Variants in COMMD1 observed in about 807,000 individuals in gnomAD.
COMMD1 encodes the protein COMM domain-containing protein 1.
Under a neutral mutation model 17.2 loss-of-function variants are expected in COMMD1, and 10 were observed. That is an observed-to-expected ratio of 0.58 (90% CI 0.36 to 0.99). COMMD1 has a LOEUF of 0.99. Ranked by LOEUF, COMMD1 falls within the 50% of genes least tolerant of loss-of-function variation. COMMD1 has a pLI of 0.01. For missense variants in COMMD1, 270 were observed against 231.8 expected (o/e 1.17, Z -1.07); for synonymous variants, 97 against 91.6 (o/e 1.06, Z -0.34).
intron 1 of COMMD1, among the ~76,000 whole-genome samples, chr2:61,960,826 A>G (rs770273853): frequency 1.5e-4 from 23 of 152,118 alleles, no homozygotes; most frequent in Non-Finnish European, 2.8e-4. Context: ...CCAGAAGTAG[A>G]CCACCAAGGA....
At chr2:61,911,218 A>T (rs1027537269) in intron 1 of COMMD1, among the ~76,000 whole-genome samples, 12 of 150,852 alleles carry the variant, frequency 8.0e-5, no homozygotes, top group Non-Finnish European at 1.6e-4. Flanking sequence ...TCACGCCTGT[A>T]ATCCCAGCAC....
intron 1 of COMMD1, among the ~76,000 whole-genome samples, chr2:61,956,013 A>G (rs1470660755): frequency 6.6e-6 from 1 of 152,116 alleles, no homozygotes; most frequent in East Asian, 1.9e-4. Context: ...AAAGAATATT[A>G]CTGTTTTTAC....
chr2:62,042,302 G>T (rs1478588300), intron 2 of COMMD1, among the ~76,000 whole-genome samples: 1 of 152,096 alleles, frequency 6.6e-6, no homozygotes. Flanking sequence ...TGATTGGTGC[G>T]TTTGCAAACC....
intron 1 of COMMD1, among the ~76,000 whole-genome samples, chr2:61,894,705 AT>A (rs1005349931): frequency 3.3e-4 from 45 of 135,570 alleles, no homozygotes; most frequent in South Asian, 9.1e-4. Context: ...TAAAAAAAAA[AT>A]TTTTTTTTTT....
intron 1 of COMMD1, among the ~76,000 whole-genome samples, chr2:61,930,427 G>A (rs1444654156): frequency 1.3e-5 from 2 of 152,072 alleles, no homozygotes; most frequent in South Asian, 2.1e-4. Context: ...GTGGTGGCAC[G>A]TGCCTGTAAT....
rs1672939524 is a variant in COMMD1, at chr2:62,128,345, A to AC, written c.463-7486_463-7485insC. 2.6e-5 allele frequency among the ~76,000 whole-genome samples: 4 copies of AC among 151,748 alleles called. No homozygotes were observed. In the South Asian group the frequency reaches 8.3e-4, roughly 32 times the overall value. On this transcript the variant is annotated intron_variant, in intron 2 of 2. Coordinates refer to ENST00000311832, the MANE Select transcript of COMMD1 (RefSeq NM_152516.4). The stretch of plus-strand genomic sequence containing the variant: ...TCTGTCTAAAAAAAAGAAAAAAAAA[A>AC]AACAAAAAAACTCAAGATGAATTAA...
chr2:62,109,902 A>G (rs987290920), intron 2 of COMMD1, among the ~76,000 whole-genome samples: 1 of 148,528 alleles, frequency 6.7e-6, no homozygotes, highest in African/African-American at 2.5e-5. Context: ...AAAAGTATTA[A>G]TCTACCTTAT....
At chr2:61,919,267 C>T (rs1038966311) in intron 1 of COMMD1, among the ~76,000 whole-genome samples, 1 of 152,266 alleles carries the variant, frequency 6.6e-6, no homozygotes, top group East Asian at 1.9e-4. Context: ...CCGCCTCGGC[C>T]TCCCAAAGTG....
intron 1 of COMMD1, chr2:61,968,939 T>A (rs1206657603): frequency 3.2e-6 from 1 of 311,556 alleles, no homozygotes; most frequent in South Asian, 2.4e-5. Context: ...GAAATCTTTA[T>A]TTAGTCTTTT....
chr2:62,100,861 A>G (rs1672160314), intron 2 of COMMD1, among the ~76,000 whole-genome samples: 1 of 152,196 alleles, frequency 6.6e-6, no homozygotes, highest in Non-Finnish European at 1.5e-5. Flanking sequence ...TTCTTTACAG[A>G]TGCAGGTTTT....
chr2:61,932,095 A>AT (rs1190642567), intron 1 of COMMD1, among the ~76,000 whole-genome samples: 1 of 152,172 alleles, frequency 6.6e-6, no homozygotes, highest in East Asian at 1.9e-4. Context: ...GCTGTCCTCA[A>AT]TTGACACCCC....
upstream of COMMD1, among the ~76,000 whole-genome samples, chr2:61,902,685 T>G: frequency 6.6e-6 from 1 of 151,934 alleles, no homozygotes; most frequent in African/African-American, 2.4e-5. Flanking sequence ...ATGGCAAAGG[T>G]TATAAAGAAT....
At chr2:61,976,005 T>G (rs1270101168) in intron 1 of COMMD1, among the ~76,000 whole-genome samples, 1 of 152,164 alleles carries the variant, frequency 6.6e-6, no homozygotes, top group Non-Finnish European at 1.5e-5. Flanking sequence ...TGGTGTTCAT[T>G]TCAGCTGTGT....
intron 1 of COMMD1, among the ~76,000 whole-genome samples, chr2:61,927,510 A>G (rs1390803288): frequency 6.6e-6 from 1 of 151,464 alleles, no homozygotes; most frequent in African/African-American, 2.4e-5. Flanking sequence ...CTCCTGCCTC[A>G]GCCTTGCGAG....
intron 2 of COMMD1, among the ~76,000 whole-genome samples, chr2:62,020,864 G>C (rs1444117383): frequency 6.6e-6 from 1 of 152,066 alleles, no homozygotes; most frequent in Non-Finnish European, 1.5e-5. Flanking sequence ...TTAGCCAGGC[G>C]TCATGGCGCA....
intron 1 of COMMD1, among the ~76,000 whole-genome samples, chr2:61,971,699 C>T (rs903807306): frequency 2.6e-5 from 4 of 152,122 alleles, no homozygotes; most frequent in African/African-American, 9.7e-5. Flanking sequence ...GCTGGGATTA[C>T]AGGCATGTGT....
At chr2:62,059,107 A>G (rs897006330) in intron 2 of COMMD1, among the ~76,000 whole-genome samples, 1 of 152,116 alleles carries the variant, frequency 6.6e-6, no homozygotes, top group African/African-American at 2.4e-5. Flanking sequence ...TTGAAGCTTT[A>G]TATCAGACAT....
intron 1 of COMMD1, among the ~76,000 whole-genome samples, chr2:61,964,739 G>C (rs1489963998): frequency 3.3e-5 from 5 of 152,170 alleles, no homozygotes; most frequent in Non-Finnish European, 2.9e-5. Context: ...TGGGCATGGT[G>C]GCTCAGGCCT....
chr2:61,953,230 G>A (rs1007277643), intron 1 of COMMD1, among the ~76,000 whole-genome samples: 3 of 151,960 alleles, frequency 2.0e-5, no homozygotes, highest in East Asian at 1.9e-4. Flanking sequence ...GGCTGATCTC[G>A]AACTCCTGAC....
Sources: allele counts gnomAD v4.1 joint callset (sites outside exome capture counted in the v4.1 genomes callset), GRCh38; gene constraint gnomAD v4.1.1; transcripts MANE v1.5; gene names NCBI Gene and HGNC (gene_info 2026-07-23, HGNC 2026-07-21).